RAP1GAP2: variants seen among roughly 807,000 people sequenced by gnomAD.
The protein encoded by RAP1GAP2 is rap1 GTPase-activating protein 2.
A neutral mutation model predicts 95.0 loss-of-function variants in RAP1GAP2; 27 were observed. The observed-to-expected ratio is 0.28, with a 90% CI of 0.21 to 0.39. RAP1GAP2 has a LOEUF of 0.39. Ranked by LOEUF, RAP1GAP2 falls within the 10% of genes least tolerant of loss-of-function variation. The pLI, the probability that RAP1GAP2 is intolerant of heterozygous loss-of-function variation, is 1.00. For missense variants in RAP1GAP2, 771 were observed against 970.0 expected (o/e 0.79, Z 2.72); for synonymous variants, 373 against 380.9 (o/e 0.98, Z 0.24).
chr17:3,030,797 T>C (rs2047265953), intron 22 of RAP1GAP2, 125 bp from the exon 23 acceptor site: 4 of 876,192 alleles, frequency 4.6e-6, no homozygotes, highest in Non-Finnish European at 7.2e-6. Flanking sequence ...ACAGGTCAGC[T>C]AGGGTGCCTG....
upstream of RAP1GAP2, among the ~76,000 whole-genome samples, chr17:2,793,154 T>C (rs1242185238): frequency 2.4e-5 from 3 of 125,610 alleles, no homozygotes; most frequent in African/African-American, 3.6e-5. Context: ...TGCAACAGGA[T>C]TTTTTTTTTT....
chr17:2,811,877 C>A (rs868575762), intron 2 of RAP1GAP2, among the ~76,000 whole-genome samples: 1 of 152,176 alleles, frequency 6.6e-6, no homozygotes, highest in South Asian at 2.1e-4. Context: ...CTGCGCCTGG[C>A]CTGATTTTTG....
intron 2 of RAP1GAP2, among the ~76,000 whole-genome samples, chr17:2,845,682 G>A (rs1012251325): frequency 2.0e-5 from 3 of 151,414 alleles, no homozygotes; most frequent in Admixed American, 6.6e-5. Context: ...CCAACATGGT[G>A]AAACCCCATT....
At chr17:2,874,491 G>C (rs182614969) in intron 2 of RAP1GAP2, among the ~76,000 whole-genome samples, 1 of 144,088 alleles carries the variant, frequency 6.9e-6, no homozygotes, top group Non-Finnish European at 1.5e-5. Context: ...TATCTACAAA[G>C]AGCATTTCTG....
intron 2 of RAP1GAP2, among the ~76,000 whole-genome samples, chr17:2,809,323 C>T (rs1221874424): frequency 1.3e-5 from 2 of 152,240 alleles, no homozygotes; most frequent in South Asian, 2.1e-4. Context: ...GCAGGAGGGG[C>T]TTTGCCTATT....
intron 19 of RAP1GAP2, among the ~76,000 whole-genome samples, chr17:3,025,202 C>T (rs1315838974): frequency 6.6e-6 from 1 of 152,174 alleles, no homozygotes; most frequent in Non-Finnish European, 1.5e-5. Flanking sequence ...TGCAATGAAA[C>T]CCCATCTCTA....
chr17:2,926,290 C>T (rs72819290), intron 3 of RAP1GAP2, among the ~76,000 whole-genome samples: 274 of 152,308 alleles, frequency 1.8e-3, no homozygotes, highest in Middle Eastern at 3.4e-3. Context: ...CCACGGGCAG[C>T]GCCCACGTCC....
intron 2 of RAP1GAP2, among the ~76,000 whole-genome samples, chr17:2,833,290 A>C (rs946951084): frequency 1.3e-5 from 2 of 150,884 alleles, no homozygotes; most frequent in East Asian, 2.1e-4. Flanking sequence ...TTACAGGCAC[A>C]CACCACCATG....
At chr17:2,787,557 CTGTTTTTTTGTTTTGTTT>C (rs1029531743) in intron 1 of RAP1GAP2, among the ~76,000 whole-genome samples, 6 of 151,812 alleles carry the variant, frequency 4.0e-5, no homozygotes, top group African/African-American at 9.7e-5. Context: ...CACGCTGAGC[CTGTTTTTTTGTTTTGTTT>C]TGTTTTTTTT....
At chr17:2,766,197 GGC>G (rs1186000996) in intron 1 of RAP1GAP2, among the ~76,000 whole-genome samples, 15 of 152,120 alleles carry the variant, frequency 9.9e-5, no homozygotes, top group Admixed American at 9.8e-4. Context: ...TGCACCCTGG[GGC>G]CCATTCTACC....
intron 2 of RAP1GAP2, among the ~76,000 whole-genome samples, chr17:2,893,912 C>T (rs1233730313): frequency 6.6e-6 from 1 of 152,228 alleles, no homozygotes; most frequent in South Asian, 2.1e-4. Flanking sequence ...TGAGCACCGC[C>T]CTTCCAGCCC....
At chr17:3,023,768 A>C (rs1597899457) in intron 19 of RAP1GAP2, among the ~76,000 whole-genome samples, 1 of 152,134 alleles carries the variant, frequency 6.6e-6, no homozygotes, top group Non-Finnish European at 1.5e-5. Context: ...TAAGCCCTGC[A>C]TGCATTAGGT....
At chr17:2,976,411 G>A (rs539750740) in intron 8 of RAP1GAP2, among the ~76,000 whole-genome samples, 28 of 152,094 alleles carry the variant, frequency 1.8e-4, no homozygotes, top group Admixed American at 8.5e-4. Context: ...TACTGGAGGG[G>A]AAAAAATCTC....
intron 3 of RAP1GAP2, among the ~76,000 whole-genome samples, chr17:2,924,924 G>T (rs1457201244): frequency 6.6e-6 from 1 of 152,172 alleles, no homozygotes; most frequent in Non-Finnish European, 1.5e-5. Context: ...GACCAGAATT[G>T]CATCTCATCT....
rs993065785 is a variant in RAP1GAP2 at position 2,882,899 on chromosome 17, C to T, written c.81-22385C>T. 3.9e-5 allele frequency among the ~76,000 whole-genome samples: 6 copies of T among 152,242 alleles called. No individual in the cohort carries two copies. In the South Asian group the frequency reaches 6.2e-4, roughly 16 times the overall value. The stretch of plus-strand genomic sequence containing the variant: ...AGCGGCTAGCGCTATGCTGGCACAC[C>T]GTCGGTGCTTTACAGATACTCGCGG... On this transcript the variant is annotated intron_variant, in intron 2 of 24. Coordinates refer to ENST00000254695, the MANE Select transcript of RAP1GAP2 (RefSeq NM_015085.5).
chr17:2,927,366 G>C (rs887906628), intron 3 of RAP1GAP2, among the ~76,000 whole-genome samples: 3 of 151,370 alleles, frequency 2.0e-5, no homozygotes, highest in African/African-American at 4.9e-5. Context: ...TGTTAGCCAG[G>C]ATGGTCTCGA....
chr17:3,006,847 T>G (rs560139831), intron 16 of RAP1GAP2, among the ~76,000 whole-genome samples: 2 of 149,182 alleles, frequency 1.3e-5, no homozygotes, highest in African/African-American at 2.5e-5. Flanking sequence ...AGTCGGGGGG[T>G]GGGGCAGGGG....
chr17:2,926,654 T>C (rs767597060), intron 3 of RAP1GAP2, among the ~76,000 whole-genome samples: 1 of 152,044 alleles, frequency 6.6e-6, no homozygotes, highest in Non-Finnish European at 1.5e-5. Context: ...CACAAATCTA[T>C]CATCTTACAG....
rs118147632 is a variant in RAP1GAP2 at position 2,781,797 on chromosome 17, C to T, written c.-14+4519C>T. ...GTGTGTGCACGTTTCTGTGTGTGCA[C>T]GTCTGTGTGTGCACGTCTCTGTGTG... On this transcript the variant is annotated intron_variant, in intron 1 of 24. Coordinates refer to the RAP1GAP2 transcript ENST00000540393. Among the ~76,000 whole-genome samples, 16 of 125,388 alleles carry T rather than the reference C, an allele frequency of 1.3e-4. No homozygotes were observed. The East Asian group carries it at 2.7e-3, about 21-fold the overall frequency. The allele number at this position is 125,388 out of a possible 152,430, so 82.3% of individuals were successfully genotyped here. A position where few individuals can be genotyped will look rare whatever the true frequency, so the allele number is the denominator to read the frequency against.
Sources: allele counts gnomAD v4.1 joint callset (sites outside exome capture counted in the v4.1 genomes callset), GRCh38; gene constraint gnomAD v4.1.1; transcripts MANE v1.5; gene names NCBI Gene and HGNC (gene_info 2026-07-23, HGNC 2026-07-21).